Variants in TCF4 observed in about 807,000 individuals in gnomAD.
TCF4 encodes the protein transcription factor 4, also known as SL3-3 enhancer factor 2.
A neutral mutation model predicts 82.1 loss-of-function variants in TCF4; 3 were observed. The observed-to-expected ratio is 0.04, with a 90% confidence interval of 0.02 to 0.09. The LOEUF (loss-of-function observed/expected upper bound fraction) is 0.09, where lower values mean the gene tolerates loss of function less well. Ranked by LOEUF, TCF4 falls within the 10% of genes least tolerant of loss-of-function variation. TCF4 has a pLI of 1.00. For synonymous variants in TCF4, 276 were observed against 309.6 expected (o/e 0.89, Z 1.14); for missense variants, 518 against 852.7 (o/e 0.61, Z 4.89).
At chr18:55,397,067 T>C (rs1321569621) in intron 6 of TCF4, among the ~76,000 whole-genome samples, 1 of 152,200 alleles carries the variant, frequency 6.6e-6, no homozygotes, top group Non-Finnish European at 1.5e-5. Flanking sequence ...GGGGTATCTG[T>C]CCATTGCTAA....
upstream of TCF4, chr18:55,589,674 A>C (rs1603625002): frequency 9.6e-7 from 1 of 1,037,442 alleles, no homozygotes; most frequent in South Asian, 4.6e-5. Context: ...CCAAGTTTAG[A>C]GGTGTCTCAT....
chr18:55,608,833 A>G (rs962499748), intron 2 of TCF4, among the ~76,000 whole-genome samples: 4 of 152,176 alleles, frequency 2.6e-5, no homozygotes, highest in African/African-American at 9.7e-5. Flanking sequence ...ATTAATGTAT[A>G]CAAATGCCAG....
chr18:55,259,789 G>A (rs1335607670), intron 13 of TCF4, 160 bp downstream of exon 13: 2 of 655,760 alleles, frequency 3.0e-6, no homozygotes, highest in Non-Finnish European at 5.5e-6. Flanking sequence ...CTGTTATCTG[G>A]TAATTTGTCT....
At chr18:55,447,033 G>T (rs1240383249) in intron 5 of TCF4, among the ~76,000 whole-genome samples, 2 of 151,492 alleles carry the variant, frequency 1.3e-5, no homozygotes, top group African/African-American at 4.8e-5. Flanking sequence ...TAGCCAAGCT[G>T]GACACAGTGG....
At chr18:55,507,182 T>C (rs534153363) in intron 3 of TCF4, among the ~76,000 whole-genome samples, 1 of 152,228 alleles carries the variant, frequency 6.6e-6, no homozygotes, top group Admixed American at 6.5e-5. Context: ...GTGGGGAACT[T>C]TGCCCTTGTA....
chr18:55,528,307 T>C lies in TCF4; in HGVS notation c.145+56973A>G, dbSNP rs565655133. Among the ~76,000 whole-genome samples, 5 of 152,310 alleles carry C rather than the reference T, an allele frequency of 3.3e-5. No individual in the cohort carries two copies. The East Asian group carries it at 7.7e-4, about 23-fold the overall frequency. On this transcript the variant is annotated intron_variant, in intron 3 of 19. Coordinates refer to ENST00000354452, the MANE Select transcript of TCF4 (RefSeq NM_001083962.2). The stretch of plus-strand genomic sequence containing the variant: ...AATTTGGTGGGGGTAAGAAAATCAA[T>C]TTCATTTAATAAAAATGAAGTCTAG...
At chr18:55,589,504 CAA>C, upstream of TCF4, 1 of 1,052,106 alleles carries the variant, frequency 9.5e-7, no homozygotes, top group Non-Finnish European at 1.1e-6. Flanking sequence ...AAAACTGCAA[CAA>C]AATTCCCTCC....
intron 2 of TCF4, among the ~76,000 whole-genome samples, chr18:55,617,060 A>G (rs923028615): frequency 3.3e-5 from 5 of 152,100 alleles, no homozygotes; most frequent in South Asian, 4.1e-4. Flanking sequence ...GGCATTTTAC[A>G]GTTTATGAAT....
intron 2 of TCF4, among the ~76,000 whole-genome samples, chr18:55,623,644 C>T (rs902637854): frequency 1.3e-5 from 2 of 151,942 alleles, no homozygotes; most frequent in East Asian, 1.9e-4. Context: ...GGTAGTGGAT[C>T]GATATTTTTT....
chr18:55,325,316 T>A (rs1264009373), intron 8 of TCF4, among the ~76,000 whole-genome samples: 1 of 152,186 alleles, frequency 6.6e-6, no homozygotes, highest in Non-Finnish European at 1.5e-5. Context: ...GACTAAAGAA[T>A]AATGCTTTAA....
intron 2 of TCF4, among the ~76,000 whole-genome samples, chr18:55,625,476 G>A (rs552982712): frequency 2.4e-4 from 37 of 151,912 alleles, no homozygotes; most frequent in Non-Finnish European, 5.3e-4. Flanking sequence ...TGACCTTGTG[G>A]TCCACCCGCC....
chr18:55,434,763 C>CGTGTGTGTGTGTGTGTGT (rs527450659), intron 5 of TCF4, among the ~76,000 whole-genome samples: 2,231 of 131,738 alleles, frequency 0.017, 69 homozygotes, highest in Admixed American at 0.04. Context: ...CTCAAGTATT[C>CGTGTGTGTGTGTGTGTGT]GTGTGTGTGT....
chr18:55,302,560 C>T (rs1373369154), intron 8 of TCF4: 3 of 1,534,830 alleles, frequency 2.0e-6, no homozygotes, highest in Non-Finnish European at 1.7e-6. Flanking sequence ...AAGGAGCAAG[C>T]AGGACCACAG....
intron 2 of TCF4, among the ~76,000 whole-genome samples, chr18:55,597,112 A>G (rs596668): frequency 0.9 from 137,461 of 152,196 alleles, 62,266 homozygotes; most frequent in East Asian, 1. Flanking sequence ...TGCTGTGACT[A>G]TAGGTTTCCT....
At chr18:55,322,239 C>T in intron 8 of TCF4, 1 of 1,060,010 alleles carries the variant, frequency 9.4e-7, no homozygotes, top group Non-Finnish European at 1.1e-6. Context: ...AATTGACTCC[C>T]CCTCTCTCTC....
intron 6 of TCF4, among the ~76,000 whole-genome samples, chr18:55,403,221 T>C (rs988066377): frequency 6.6e-6 from 1 of 152,098 alleles, no homozygotes; most frequent in African/African-American, 2.4e-5. Flanking sequence ...GGCTGATGGA[T>C]TAAAAAATAA....
At chr18:55,605,771 A>G (rs1176462531) in intron 2 of TCF4, among the ~76,000 whole-genome samples, 1 of 152,240 alleles carries the variant, frequency 6.6e-6, no homozygotes, top group Non-Finnish European at 1.5e-5. Context: ...AGTACTCCGC[A>G]TTTTGTACAT....
chr18:55,567,094 T>C (rs1340476949), intron 3 of TCF4, among the ~76,000 whole-genome samples: 1 of 152,120 alleles, frequency 6.6e-6, no homozygotes, highest in Non-Finnish European at 1.5e-5. Context: ...AATGCCACTC[T>C]GCATATTTAA....
chr18:55,566,116 G>T (rs1317592762), intron 3 of TCF4, among the ~76,000 whole-genome samples: 1 of 152,120 alleles, frequency 6.6e-6, no homozygotes, highest in Non-Finnish European at 1.5e-5. Flanking sequence ...GGGAGGCTGA[G>T]GCAGGAGAAT....
Sources: gnomAD v4.1 joint callset for allele counts (sites outside exome capture counted in the v4.1 genomes callset) on GRCh38, gnomAD v4.1.1 for gene constraint, MANE v1.5 for transcripts, NCBI Gene and HGNC (gene_info 2026-07-23, HGNC 2026-07-21) for gene names.